Variants in NCOA7 observed in about 807,000 individuals in gnomAD.
NCOA7 encodes nuclear receptor coactivator 7, also known as 140 kDa estrogen receptor-associated protein.
A neutral mutation model predicts 104.3 loss-of-function variants in NCOA7; 45 were observed. The observed-to-expected ratio is 0.43, with a 90% CI of 0.34 to 0.55. The LOEUF (loss-of-function observed/expected upper bound fraction) is 0.55. Among genes scored for constraint, NCOA7 ranks in the 20% least tolerant of loss-of-function variants. NCOA7 has a pLI of 0.02. For synonymous variants in NCOA7, 398 were observed against 402.3 expected (o/e 0.99, Z 0.13); for missense variants, 1,041 against 1,119.7 (o/e 0.93, Z 1.00).
At chr6:125,896,886 T>C (rs1397462801) in intron 10 of NCOA7, among the ~76,000 whole-genome samples, 2 of 152,268 alleles carry the variant, frequency 1.3e-5, no homozygotes, top group Non-Finnish European at 2.9e-5. Context: ...GTTTCTCTAA[T>C]TGGCTTCTAT....
chr6:125,839,536 C>T (rs1369486492), intron 2 of NCOA7, among the ~76,000 whole-genome samples: 1 of 152,060 alleles, frequency 6.6e-6, no homozygotes, highest in Admixed American at 6.5e-5. Context: ...TGGCTAGACC[C>T]CATCTAGAAG....
At chr6:125,858,594 C>T (rs1781787538) in intron 3 of NCOA7, among the ~76,000 whole-genome samples, 1 of 151,434 alleles carries the variant, frequency 6.6e-6, no homozygotes, top group Non-Finnish European at 1.5e-5. Flanking sequence ...CTACTGCACT[C>T]CAGACTGAGT....
intron 10 of NCOA7, among the ~76,000 whole-genome samples, chr6:125,894,249 G>A (rs1475428785): frequency 1.3e-5 from 2 of 152,030 alleles, no homozygotes; most frequent in Admixed American, 1.3e-4. Flanking sequence ...CCCCAGTTGT[G>A]GTAAACCAAA....
intron 7 of NCOA7, 71 bp from the exon 8 acceptor site, chr6:125,885,088 T>A: frequency 6.5e-7 from 1 of 1,531,824 alleles, no homozygotes; most frequent in Non-Finnish European, 9.0e-7. Context: ...TCTGAGTTAA[T>A]TAAAGCTCTG....
chr6:125,878,379 A>G lies in NCOA7; in HGVS notation c.459+9A>G, dbSNP rs748282153. ...CTATTGTTCCAGGCCAGGTAATTATACTCTTACTGGATATAACTCTAGAAA... is the reference window on the plus strand; with the variant it reads ...CTATTGTTCCAGGCCAGGTAATTATGCTCTTACTGGATATAACTCTAGAAA... On this transcript the variant is annotated intron_variant, in intron 5 of 15. Transcript: ENST00000392477. 1 of 1,575,294 alleles carries G rather than the reference A, an allele frequency of 6.3e-7. No homozygotes were observed. Among genetic ancestry groups the G allele is most frequent in the Non-Finnish European group, 8.7e-7 (1 of 1,151,828 alleles).
Position 125,930,507 on chromosome 6 carries a change from C to T in NCOA7, c.*1736C>T, listed in dbSNP as rs555898437. The T allele has an allele frequency of 2.0e-4, 31 of 152,468 alleles. No homozygotes were observed. Among genetic ancestry groups the T allele is most frequent in the Non-Finnish European group, 3.5e-4 (24 of 67,996 alleles). The allele number at this position is 152,468 out of a possible 1,614,324, so 9.4% of individuals were successfully genotyped here. ...AATGGTCTGTCATAAATTATTTCCC[C>T]GGTAATTTTTGAAAGGAAAAATGTA... On this transcript the variant is annotated 3_prime_UTR_variant, in exon 16 of 16. Coordinates refer to ENST00000392477, the MANE Select transcript of NCOA7 (RefSeq NM_181782.5).
At chr6:125,926,225 C>G (rs1471409043) in intron 13 of NCOA7, among the ~76,000 whole-genome samples, 1 of 150,746 alleles carries the variant, frequency 6.6e-6, no homozygotes, top group Non-Finnish European at 1.5e-5. Flanking sequence ...GCAGGAGAAT[C>G]ACTTGAACCT....
chr6:125,818,036 TC>T (rs1777756399), intron 2 of NCOA7, among the ~76,000 whole-genome samples: 1 of 151,330 alleles, frequency 6.6e-6, no homozygotes, highest in African/African-American at 2.4e-5. Flanking sequence ...CTCCTCTTCC[TC>T]CTCTTCTTCC....
At chr6:125,896,455 A>T (rs1054232109) in intron 10 of NCOA7, among the ~76,000 whole-genome samples, 1 of 152,226 alleles carries the variant, frequency 6.6e-6, no homozygotes, top group Non-Finnish European at 1.5e-5. Flanking sequence ...GGTAAGGCCA[A>T]TTGAGGCCGG....
chr6:125,918,693 A>C (rs1787291353), intron 11 of NCOA7, among the ~76,000 whole-genome samples: 1 of 152,224 alleles, frequency 6.6e-6, no homozygotes, highest in African/African-American at 2.4e-5. Context: ...TACTCTGCCA[A>C]CTGTTTTATA....
intron 3 of NCOA7, among the ~76,000 whole-genome samples, chr6:125,871,998 G>GAAAAAA (rs530879162): frequency 1.1e-5 from 1 of 89,760 alleles, no homozygotes; most frequent in African/African-American, 3.7e-5. Flanking sequence ...CCCTGTCTCA[G>GAAAAAA]AAAAAAAAAA....
chr6:125,789,746 G>A (rs961004144), upstream of NCOA7, among the ~76,000 whole-genome samples: 1 of 152,224 alleles, frequency 6.6e-6, no homozygotes, highest in Non-Finnish European at 1.5e-5. Flanking sequence ...AGCCACCACT[G>A]TTAACGCTTT....
intron 13 of NCOA7, among the ~76,000 whole-genome samples, chr6:125,924,055 G>T (rs1249632858): frequency 4.6e-5 from 7 of 152,190 alleles, no homozygotes; most frequent in African/African-American, 1.7e-4. Context: ...AAGGTGGGTA[G>T]AGTCAAGATA....
At chr6:125,834,909 A>G (rs1450468313) in intron 2 of NCOA7, among the ~76,000 whole-genome samples, 1 of 152,214 alleles carries the variant, frequency 6.6e-6, no homozygotes, top group Non-Finnish European at 1.5e-5. Context: ...ATTAAGTTAT[A>G]GTGTCTGGTG....
At chr6:125,869,061 C>T (rs9491521) in intron 3 of NCOA7, among the ~76,000 whole-genome samples, 16,897 of 152,208 alleles carry the variant, frequency 0.11, 1,106 homozygotes, top group African/African-American at 0.18. Flanking sequence ...AAAAAGGCTA[C>T]GTACTATCTT....
intron 7 of NCOA7, among the ~76,000 whole-genome samples, chr6:125,884,863 G>A (rs531737078): frequency 2.6e-5 from 4 of 152,274 alleles, no homozygotes; most frequent in African/African-American, 9.6e-5. Context: ...TAGGAAATCT[G>A]AGACGTGCAT....
At chr6:125,867,863 T>C (rs921557080) in intron 3 of NCOA7, among the ~76,000 whole-genome samples, 2 of 152,158 alleles carry the variant, frequency 1.3e-5, no homozygotes. Flanking sequence ...GGGCTATTTT[T>C]CCCTCTGCTC....
chr6:125,878,468 A>T, intron 5 of NCOA7, 98 bp downstream of exon 5: 2 of 742,538 alleles, frequency 2.7e-6, no homozygotes, highest in Non-Finnish European at 4.3e-6. Flanking sequence ...GGATTATGAT[A>T]AATGATAATG....
intron 7 of NCOA7, among the ~76,000 whole-genome samples, chr6:125,883,440 TG>T (rs1784011077): frequency 6.6e-6 from 1 of 152,204 alleles, no homozygotes; most frequent in Admixed American, 6.5e-5. Context: ...CACATAGTTG[TG>T]CAACCATCAC....
Sources: gnomAD v4.1 joint callset for allele counts (sites outside exome capture counted in the v4.1 genomes callset) on GRCh38, gnomAD v4.1.1 for gene constraint, MANE v1.5 for transcripts, NCBI Gene and HGNC (gene_info 2026-07-23, HGNC 2026-07-21) for gene names.